The following CWC27 variants were observed in gnomAD, a reference collection of about 807,000 sequenced individuals.
CWC27 encodes spliceosome-associated protein CWC27 homolog.
Under a neutral mutation model 63.6 loss-of-function variants are expected in CWC27, and 47 were observed. The ratio of observed to expected loss-of-function variants is 0.74; its 90% CI spans 0.58 to 0.94. The LOEUF is 0.94. Among genes scored for constraint, CWC27 ranks in the 40% least tolerant of loss-of-function variants. The pLI is 0.00. For missense variants in CWC27, 495 were observed against 554.3 expected, an observed-to-expected ratio of 0.89 and a Z score of 1.07; for synonymous variants, 175 against 179.8, an observed-to-expected ratio of 0.97 and a Z score of 0.22.
chr5:64,822,252 C>T (rs1233523379), intron 10 of CWC27, among the ~76,000 whole-genome samples: 1 of 152,164 alleles, frequency 6.6e-6, no homozygotes, highest in African/African-American at 2.4e-5. Context: ...AGGTAATTTG[C>T]ATCCATCAAA....
intron 10 of CWC27, among the ~76,000 whole-genome samples, chr5:64,882,347 A>G (rs1254173746): frequency 6.6e-6 from 1 of 152,150 alleles, no homozygotes; most frequent in Non-Finnish European, 1.5e-5. Flanking sequence ...TCAGGTTTGG[A>G]CATAAAGAAT....
chr5:64,808,363 C>T (rs1178236349), intron 10 of CWC27: 6 of 982,858 alleles, frequency 6.1e-6, no homozygotes, highest in Middle Eastern at 5.2e-4. Flanking sequence ...TTAGTGCAAA[C>T]CTATGTGCAC....
At chr5:64,898,150 A>G (rs928313344) in intron 11 of CWC27, among the ~76,000 whole-genome samples, 2 of 152,238 alleles carry the variant, frequency 1.3e-5, no homozygotes, top group African/African-American at 4.8e-5. Context: ...GAAAATTTTC[A>G]GAGGATTGTT....
intron 11 of CWC27, among the ~76,000 whole-genome samples, chr5:64,923,248 A>G (rs1458693120): frequency 6.6e-6 from 1 of 152,122 alleles, no homozygotes; most frequent in Non-Finnish European, 1.5e-5. Flanking sequence ...CTCTGGCAGG[A>G]TATCTGAGGC....
intron 13 of CWC27, among the ~76,000 whole-genome samples, chr5:64,990,555 G>A (rs1390872419): frequency 2.1e-5 from 1 of 46,598 alleles, no homozygotes; most frequent in Non-Finnish European, 5.0e-5. Flanking sequence ...GTGAGCCACC[G>A]CGCCCGGCCG....
intron 10 of CWC27, among the ~76,000 whole-genome samples, chr5:64,839,347 C>T (rs1745743896): frequency 6.6e-6 from 1 of 152,058 alleles, no homozygotes; most frequent in Non-Finnish European, 1.5e-5. Context: ...CTATAGTATA[C>T]AGAAGTATGT....
intron 9 of CWC27, among the ~76,000 whole-genome samples, chr5:64,802,208 G>A (rs781580393): frequency 5.9e-5 from 9 of 152,136 alleles, no homozygotes; most frequent in African/African-American, 2.2e-4. Context: ...AAATACAAAC[G>A]GAAATTTAAA....
At chr5:64,890,159 GT>G (rs1561448470) in intron 11 of CWC27, among the ~76,000 whole-genome samples, 1 of 152,110 alleles carries the variant, frequency 6.6e-6, no homozygotes, top group Non-Finnish European at 1.5e-5. Flanking sequence ...TCTATGACTG[GT>G]GCCAGAAATT....
chr5:64,804,648 A>G lies in CWC27; in HGVS notation c.938+262A>G, dbSNP rs989365083. ...TTAGAAAGGCTCTATACTTTCATAT[A>G]TATAGGGTAATAATGTATTAGCTAG... On this transcript the variant is annotated intron_variant, in intron 10 of 13. Transcript: ENST00000381070. 102 of 298,404 alleles carry G rather than the reference A, an allele frequency of 3.4e-4. 2 individuals carry two copies. Among genetic ancestry groups the G allele is most frequent in the African/African-American group, 2.1e-3 (98 of 46,826 alleles). The allele number at this position is 298,404 out of a possible 1,614,324, so 18.5% of individuals were successfully genotyped here.
chr5:64,966,256 T>C, intron 11 of CWC27, among the ~76,000 whole-genome samples: 1 of 152,114 alleles, frequency 6.6e-6, no homozygotes, highest in East Asian at 1.9e-4. Context: ...AAGAAATGTA[T>C]TTGTATGGAG....
At chr5:64,794,377 C>T (rs1744184375) in intron 7 of CWC27, among the ~76,000 whole-genome samples, 1 of 151,998 alleles carries the variant, frequency 6.6e-6, no homozygotes. Flanking sequence ...AATAGGAGTA[C>T]ATGTAAATTC....
At position 64,787,772 on chromosome 5, in the gene CWC27, T is replaced by C. The variant is rs545520183; in HGVS notation, c.599+1145T>C. The stretch of plus-strand genomic sequence containing the variant: ...AGGATCCTTATTAGAGATTTTATTG[T>C]AAGTATAATTGTTAGATTTGATCAA... On this transcript the variant is annotated intron_variant, in intron 6 of 13. Transcript: ENST00000381070. Among the ~76,000 whole-genome samples, 72 of 152,224 alleles carry C rather than the reference T, an allele frequency of 4.7e-4. 1 individual carries two copies. Among genetic ancestry groups the C allele is most frequent in the African/African-American group, 1.7e-3 (70 of 41,566 alleles).
chr5:64,899,896 T>C (rs1048731614), intron 11 of CWC27, among the ~76,000 whole-genome samples: 18 of 152,238 alleles, frequency 1.2e-4, no homozygotes, highest in Non-Finnish European at 1.6e-4. Context: ...CTAAATCTTA[T>C]TTAAATGAAA....
In CWC27 at chr5:64,877,756, C is replaced by G. The variant is rs538023580; in HGVS notation, c.939-7687C>G. On this transcript the variant is annotated intron_variant, in intron 10 of 13. Transcript: ENST00000381070. ...AAGGTAAGGTATGAGTCTAAAAGTA[C>G]TTTTCACTTATTAGGTGGTTAGCAG... 2.6e-5 allele frequency among the ~76,000 whole-genome samples: 4 copies of G among 152,044 alleles called. No individual in the cohort carries two copies. The South Asian group carries it at 8.3e-4, about 32-fold the overall frequency.
intron 13 of CWC27, among the ~76,000 whole-genome samples, chr5:65,007,650 T>C (rs1749872194): frequency 7.2e-6 from 1 of 138,686 alleles, no homozygotes; most frequent in South Asian, 2.3e-4. Flanking sequence ...TTTTTTGAGA[T>C]GGAGTCTCGC....
intron 10 of CWC27, among the ~76,000 whole-genome samples, chr5:64,857,367 G>A (rs1318240446): frequency 6.6e-6 from 1 of 152,084 alleles, no homozygotes; most frequent in Non-Finnish European, 1.5e-5. Flanking sequence ...GCAATACAAA[G>A]CATAAAAAAG....
At chr5:64,903,553 A>G (rs1397145612) in intron 11 of CWC27, among the ~76,000 whole-genome samples, 1 of 152,100 alleles carries the variant, frequency 6.6e-6, no homozygotes, top group Non-Finnish European at 1.5e-5. Context: ...GAGGGAGAGC[A>G]TTAGGACAAC....
At chr5:64,796,611 A>G (rs1230947016) in intron 7 of CWC27, among the ~76,000 whole-genome samples, 1 of 152,080 alleles carries the variant, frequency 6.6e-6, no homozygotes, top group Non-Finnish European at 1.5e-5. Flanking sequence ...AGCAACATCT[A>G]GACTGGTGTT....
intron 10 of CWC27, among the ~76,000 whole-genome samples, chr5:64,816,126 T>G (rs1317330412): frequency 6.6e-6 from 1 of 152,196 alleles, no homozygotes; most frequent in Non-Finnish European, 1.5e-5. Flanking sequence ...AGAGCTCTAG[T>G]CTGCTACTTG....
Sources: allele counts gnomAD v4.1 joint callset (sites outside exome capture counted in the v4.1 genomes callset), GRCh38; gene constraint gnomAD v4.1.1; transcripts MANE v1.5; gene names NCBI Gene and HGNC (gene_info 2026-07-23, HGNC 2026-07-21).